The following RBM41 variants were observed in gnomAD, a reference collection of about 807,000 sequenced individuals.
RBM41 encodes RNA-binding protein 41.
RBM41 carries 14 observed loss-of-function variants against 30.8 expected under a neutral mutation model. The observed-to-expected ratio is 0.45, with a 90% CI of 0.30 to 0.71. The LOEUF (loss-of-function observed/expected upper bound fraction) is 0.71, where lower values mean the gene tolerates loss of function less well. Ranked by LOEUF, RBM41 falls within the 30% of genes least tolerant of loss-of-function variation. The probability of loss-of-function intolerance (pLI) is 0.08; values close to 1 mark genes in which losing one functional copy is unlikely to be tolerated. For missense variants in RBM41, 276 were observed against 326.3 expected (o/e 0.85, Z 1.19); for synonymous variants, 120 against 110.1 (o/e 1.09, Z -0.56).
At chrX:107,079,131 G>T (rs969713724) in intron 6 of RBM41, among the ~76,000 whole-genome samples, 1 of 110,702 alleles carries the variant, frequency 9.0e-6, no homozygotes, top group African/African-American at 3.3e-5. Flanking sequence ...CTTTCATTTG[G>T]GTCCTTTCAT....
At chrX:107,057,744 C>A (rs1159474011), downstream of RBM41, among the ~76,000 whole-genome samples, 2 of 111,860 alleles carry the variant, frequency 1.8e-5, no homozygotes, top group African/African-American at 6.5e-5. Flanking sequence ...TAAAAAACTT[C>A]TGCATAGCAA....
intron 6 of RBM41, among the ~76,000 whole-genome samples, chrX:107,073,015 C>CA (rs35479544): frequency 4.9e-3 from 550 of 111,243 alleles, no homozygotes; most frequent in Non-Finnish European, 6.3e-3. Context: ...AAGACCTAAA[C>CA]GTAAGACCGG....
chrX:107,109,889 T>C (rs929121242), intron 5 of RBM41, among the ~76,000 whole-genome samples: 1 of 111,425 alleles, frequency 9.0e-6, no homozygotes, highest in African/African-American at 3.2e-5. Flanking sequence ...TTCCACATAT[T>C]TGTAATTTTC....
intron 5 of RBM41, among the ~76,000 whole-genome samples, chrX:107,095,276 G>C (rs751271947): frequency 6.3e-4 from 70 of 110,909 alleles, no homozygotes; most frequent in Middle Eastern, 4.2e-3. Context: ...AAAGAGTTTA[G>C]TCACAGGATA....
chrX:107,085,645 G>C (rs1230076340), intron 6 of RBM41, among the ~76,000 whole-genome samples: 1 of 111,609 alleles, frequency 9.0e-6, no homozygotes, highest in Non-Finnish European at 1.9e-5. Context: ...TCATAGTATA[G>C]ATTTATTTTG....
chrX:107,104,091 C>T (rs1391001248), intron 5 of RBM41, among the ~76,000 whole-genome samples: 1 of 110,416 alleles, frequency 9.1e-6, no homozygotes, highest in African/African-American at 3.3e-5. Flanking sequence ...TCCCCTACCC[C>T]CCCGCCAGAG....
intron 5 of RBM41, among the ~76,000 whole-genome samples, chrX:107,095,465 ACATGCCTGCAATCC>A (rs1458577368): frequency 8.9e-4 from 98 of 109,637 alleles, no homozygotes; most frequent in African/African-American, 3.2e-3. Context: ...GCGTGGTGGC[ACATGCCTGCAATCC>A]CAGCTACTCA....
In RBM41 at chrX:107,088,584, G is replaced by A. The variant is rs1922243479; in HGVS notation, c.851C>T (p.Ser284Leu). 2 of 1,209,397 alleles carry A rather than the reference G, an allele frequency of 1.7e-6. No homozygotes were observed. The highest frequency in any genetic ancestry group is 2.2e-6 in the Non-Finnish European group (2 of 895,181). Residue 284 changes from serine (S) to leucine (L), a missense_variant, in exon 6 of 8, where the codon TCA becomes TTA. Coordinates refer to ENST00000685964, the MANE Select transcript of RBM41 (RefSeq NM_001324242.2). Reference protein sequence around the residue: ...SLHVANVIDFSPEQCWTGPKK... With the variant: ...SLHVANVIDFLPEQCWTGPKK... ...AGGCCCAGTCCAACACTGCTCAGGT[G>A]AAAAATCAATAACATTTGCCACATG...
chrX:107,079,065 A>G (rs1224225501), intron 6 of RBM41, among the ~76,000 whole-genome samples: 3 of 111,444 alleles, frequency 2.7e-5, no homozygotes, highest in Non-Finnish European at 3.8e-5. Context: ...TTATTAGAAA[A>G]TGGTATTAGA....
rs1346556700 is a variant in RBM41 at position 107,062,980 on chromosome X, A to G, written c.*4547T>C. Among the ~76,000 whole-genome samples, 1 of 111,723 alleles carries G rather than the reference A, an allele frequency of 9.0e-6. No homozygotes were observed. ...GGCTGCATAGTATTGTACTAAATAG[A>G]TGTACCATAAGTTATTTACCCATTT... On this transcript the variant is annotated 3_prime_UTR_variant, in exon 8 of 8. Coordinates refer to ENST00000685964, the MANE Select transcript of RBM41 (RefSeq NM_001324242.2).
At position 107,094,245 on chromosome X, in the gene RBM41, CA is replaced by C. The variant is rs765410351; in HGVS notation, c.596-5407del. Among the ~76,000 whole-genome samples the C allele has an allele frequency of 5.4e-4, 60 of 112,102 alleles. 1 individual carries two copies. The highest frequency in any genetic ancestry group is 1.8e-3 in the African/African-American group (55 of 30,917). On this transcript the variant is annotated intron_variant, in intron 5 of 7. Coordinates refer to ENST00000685964, the MANE Select transcript of RBM41 (RefSeq NM_001324242.2). ...GTATTACACTGATAACAAAACTAAA[CA>C]AAGATATTACAAGAAAACCACAGAC... is the stretch of plus-strand genomic sequence containing the variant.
chrX:107,104,643 A>G (rs754437128), intron 5 of RBM41, among the ~76,000 whole-genome samples: 2 of 111,397 alleles, frequency 1.8e-5, no homozygotes, highest in Non-Finnish European at 3.8e-5. Context: ...TTCTGCATCT[A>G]TTGAGATAAT....
chrX:107,097,311 T>C (rs1407050652), intron 5 of RBM41, among the ~76,000 whole-genome samples: 1 of 111,900 alleles, frequency 8.9e-6, no homozygotes, highest in African/African-American at 3.2e-5. Flanking sequence ...GGTGAAAAGA[T>C]TAAACAATGC....
downstream of RBM41, among the ~76,000 whole-genome samples, chrX:107,058,101 C>T (rs911949841): frequency 2.7e-5 from 3 of 109,518 alleles, no homozygotes; most frequent in Admixed American, 9.7e-5. Flanking sequence ...CAAGACAAAC[C>T]TGGCCAACAT....
chrX:107,115,676 G>A (rs878972378), intron 3 of RBM41, 120 bp from the exon 4 acceptor site: 4 of 869,052 alleles, frequency 4.6e-6, no homozygotes, highest in East Asian at 6.3e-5. Context: ...GAAAGTGTTA[G>A]CTAAGAAGTT....
chrX:107,088,621 C>T lies in RBM41; in HGVS notation c.814G>A (p.Gly272Ser). The T allele has an allele frequency of 8.3e-7, 1 of 1,211,478 alleles. No individual in the cohort carries two copies. Among genetic ancestry groups the T allele is most frequent in the Non-Finnish European group, 1.1e-6 (1 of 895,380 alleles). The change falls in exon 6 of 8, where the codon GGC (glycine) becomes AGC (serine). Residue 272 changes from glycine to serine, a missense_variant. Gly to Ser is a moderately conservative substitution (Grantham distance 56, BLOSUM62 0). Transcript: ENST00000685964. Reference protein sequence around the residue: ...DKGKQAAQGKGPSLHVANVID... With the variant: ...DKGKQAAQGKSPSLHVANVID... ...ACATTTGCCACATGGAGACTGGGGCCTTTACCCTGTGCTGCCTGTTTTCCC... is the reference window on the plus strand; with the variant it reads ...ACATTTGCCACATGGAGACTGGGGCTTTTACCCTGTGCTGCCTGTTTTCCC...
chrX:107,106,758 C>A (rs1207653690), intron 5 of RBM41, among the ~76,000 whole-genome samples: 1 of 108,739 alleles, frequency 9.2e-6, no homozygotes, highest in African/African-American at 3.4e-5. Flanking sequence ...TCTCAGCAAA[C>A]TATTGCAAGG....
At chrX:107,059,348 G>A (rs1196167484), downstream of RBM41, among the ~76,000 whole-genome samples, 1 of 110,049 alleles carries the variant, frequency 9.1e-6, no homozygotes, top group Non-Finnish European at 1.9e-5. Flanking sequence ...GGGTGGGGTG[G>A]GCGGAAGGGG....
chrX:107,116,094 T>C (rs773616765), intron 2 of RBM41, 40 bp from the exon 3 acceptor site: 5 of 1,075,270 alleles, frequency 4.6e-6, no homozygotes, highest in Admixed American at 3.2e-5. Flanking sequence ...CATCTTGAGG[T>C]TACTATCATT....
Sources: gnomAD v4.1 joint callset for allele counts (sites outside exome capture counted in the v4.1 genomes callset) on GRCh38, gnomAD v4.1.1 for gene constraint, MANE v1.5 for transcripts, NCBI Gene and HGNC (gene_info 2026-07-23, HGNC 2026-07-21) for gene names.